The following PUS7 variants were observed in gnomAD, a reference collection of about 807,000 sequenced individuals.
PUS7 encodes the protein pseudouridylate synthase 7 homolog.
A neutral mutation model predicts 79.8 loss-of-function variants in PUS7; 48 were observed. The ratio of observed to expected loss-of-function variants is 0.60; its 90% CI spans 0.48 to 0.76. The LOEUF is 0.76. PUS7 is among the 30% of genes least tolerant of loss of function. PUS7 has a pLI of 0.00. For synonymous variants in PUS7, 286 were observed against 272.2 expected (o/e 1.05, Z -0.50); for missense variants, 729 against 797.6 (o/e 0.91, Z 1.04).
chr7:105,498,992 T>C (rs1387454092), intron 5 of PUS7, among the ~76,000 whole-genome samples: 1 of 152,112 alleles, frequency 6.6e-6, no homozygotes, highest in Non-Finnish European at 1.5e-5. Flanking sequence ...CTAACCTATG[T>C]TCCCCTCTCC....
chr7:105,468,302 G>A (rs1286624821), intron 12 of PUS7, 35 bp downstream of exon 12: 6 of 1,601,346 alleles, frequency 3.7e-6, no homozygotes, highest in Admixed American at 3.5e-5. Context: ...CTGAACCCTA[G>A]CTTAGCTGAG....
intron 1 of PUS7, among the ~76,000 whole-genome samples, chr7:105,513,329 T>A (rs1478394293): frequency 6.6e-6 from 1 of 152,168 alleles, no homozygotes; most frequent in African/African-American, 2.4e-5. Flanking sequence ...CAGCAAAATA[T>A]TCACCTCCTC....
At chr7:105,466,263 T>C (rs1823639915) in intron 12 of PUS7, among the ~76,000 whole-genome samples, 1 of 152,120 alleles carries the variant, frequency 6.6e-6, no homozygotes, top group African/African-American at 2.4e-5. Context: ...AAGAAATTCT[T>C]TTTTTGTTTT....
chr7:105,471,425 C>A (rs1823868060), intron 10 of PUS7, among the ~76,000 whole-genome samples: 1 of 152,224 alleles, frequency 6.6e-6, no homozygotes, highest in Non-Finnish European at 1.5e-5. Context: ...GATTCTTATA[C>A]ACTCAGATTT....
At chr7:105,465,895 C>A (rs994643610) in intron 12 of PUS7, among the ~76,000 whole-genome samples, 1 of 151,964 alleles carries the variant, frequency 6.6e-6, no homozygotes, top group East Asian at 1.9e-4. Context: ...CAGTGGCTCA[C>A]GCCTGTAATC....
intron 7 of PUS7, among the ~76,000 whole-genome samples, chr7:105,485,706 C>G (rs146966097): frequency 2.6e-5 from 4 of 152,216 alleles, no homozygotes; most frequent in Non-Finnish European, 5.9e-5. Flanking sequence ...TTAAATGATA[C>G]TTTGAATACG....
At chr7:105,469,112 C>T (rs1374585639) in intron 11 of PUS7, among the ~76,000 whole-genome samples, 1 of 151,738 alleles carries the variant, frequency 6.6e-6, no homozygotes, top group African/African-American at 2.4e-5. Context: ...GCCATGTTGC[C>T]CAGGCTGGTC....
intron 2 of PUS7, 152 bp from the exon 3 acceptor site, chr7:105,506,425 TTTC>T: frequency 3.4e-6 from 2 of 589,480 alleles, no homozygotes; most frequent in Non-Finnish European, 5.8e-6. Context: ...TAATTTTTTT[TTTC>T]TTTTTTTTTT....
intron 9 of PUS7, among the ~76,000 whole-genome samples, chr7:105,480,397 C>A (rs906733379): frequency 3.3e-5 from 5 of 152,110 alleles, no homozygotes; most frequent in African/African-American, 4.8e-5. Context: ...ATTGCTTGAA[C>A]CTGGGAGGTG....
At chr7:105,481,216 A>T in intron 8 of PUS7, 39 bp from the exon 9 acceptor site, 1 of 1,579,366 alleles carries the variant, frequency 6.3e-7, no homozygotes, top group Non-Finnish European at 8.6e-7. Context: ...AAAAAGTTAC[A>T]GTCAAATACT....
At chr7:105,508,871 T>TAAAAA (rs34249093) in intron 1 of PUS7, among the ~76,000 whole-genome samples, 1 of 22,926 alleles carries the variant, frequency 4.4e-5, no homozygotes, top group South Asian at 4.8e-3. Flanking sequence ...GACATTGTCT[T>TAAAAA]AAAAAAAAAA....
chr7:105,467,008 T>G (rs1056424135), intron 12 of PUS7, among the ~76,000 whole-genome samples: 41 of 147,362 alleles, frequency 2.8e-4, no homozygotes, highest in Non-Finnish European at 4.5e-5. Context: ...TGGAATCAGA[T>G]AGAACTCTGA....
intron 5 of PUS7, among the ~76,000 whole-genome samples, chr7:105,497,576 G>A (rs1332196013): frequency 6.6e-6 from 1 of 152,130 alleles, no homozygotes; most frequent in Non-Finnish European, 1.5e-5. Flanking sequence ...ATCATTCTTT[G>A]AACAAGCCAT....
At position 105,465,305 on chromosome 7, in the gene PUS7, G is replaced by A. The variant is rs1563353710; in HGVS notation, c.1627+8C>T. The A allele has an allele frequency of 1.3e-6, 2 of 1,580,284 alleles. No homozygotes were observed. The highest frequency in any genetic ancestry group is 1.7e-6 in the Non-Finnish European group (2 of 1,150,622). On this transcript the variant is annotated splice_region_variant and intron_variant, in intron 13 of 15. Transcript: ENST00000469408. ...GTTTTAACTATTTTCCCCATACAGG[G>A]AACTTACTTTTATGCTTTGGGTAGA...
chr7:105,498,308 C>G (rs926777998), intron 5 of PUS7, among the ~76,000 whole-genome samples: 1 of 152,202 alleles, frequency 6.6e-6, no homozygotes, highest in African/African-American at 2.4e-5. Context: ...TTATAAAACT[C>G]CACCCCCTAA....
rs1299214741 is a variant in PUS7, at chr7:105,482,438, AT to A, written c.922del (p.Ile308Ter). ...CAGGTGGGCAAGTCTTTGTGCAGTT[AT>A]TCTTTAAAAAAAAAAAAAAAAGCAA... is the stretch of plus-strand genomic sequence containing the variant. ...ITVQEIAVLK[I>X]TAQRLAHLNK... is the part of the protein sequence containing the mutation. On this transcript the variant is annotated frameshift_variant and splice_region_variant, in exon 8 of 16. Transcript: ENST00000469408. LOFTEE classifies it high-confidence loss of function. 2.6e-6 allele frequency: 4 copies of A among 1,523,532 alleles called. No homozygotes were observed. In the African/African-American group the frequency reaches 6.1e-5, roughly 23 times the overall value. The allele number at this position is 1,523,532 out of a possible 1,614,324, so 94.4% of individuals were successfully genotyped here.
intron 1 of PUS7, among the ~76,000 whole-genome samples, chr7:105,513,546 G>A (rs1183983094): frequency 3.9e-5 from 6 of 152,224 alleles, no homozygotes; most frequent in Non-Finnish European, 8.8e-5. Flanking sequence ...TGGGCTGGGC[G>A]CGGTGGCTCA....
At chr7:105,494,973 T>TAAAAAAAA (rs1200372702) in intron 6 of PUS7, among the ~76,000 whole-genome samples, 169 bp downstream of exon 6, 2 of 85,846 alleles carry the variant, frequency 2.3e-5, no homozygotes, top group Non-Finnish European at 4.8e-5. Flanking sequence ...TGAGACTGTC[T>TAAAAAAAA]AAAAAAAAAA....
chr7:105,518,990 G>GA (rs1251016889), intron 1 of PUS7, among the ~76,000 whole-genome samples: 2 of 151,856 alleles, frequency 1.3e-5, no homozygotes, highest in Non-Finnish European at 2.9e-5. Flanking sequence ...AGATTGTCTC[G>GA]AACTCCTGAC....
Sources: gnomAD v4.1 joint callset for allele counts (sites outside exome capture counted in the v4.1 genomes callset) on GRCh38, gnomAD v4.1.1 for gene constraint, MANE v1.5 for transcripts, NCBI Gene and HGNC (gene_info 2026-07-23, HGNC 2026-07-21) for gene names.